SLC23A1: variants seen among roughly 807,000 people sequenced by gnomAD.
SLC23A1 encodes the protein solute carrier family 23 member 1.
In SLC23A1, 31 loss-of-function variants were observed where a neutral mutation model predicts 62.5. The ratio of observed to expected loss-of-function variants is 0.50; its 90% confidence interval spans 0.37 to 0.67. The LOEUF (loss-of-function observed/expected upper bound fraction) is 0.67, where lower values mean the gene tolerates loss of function less well. SLC23A1 is among the 30% of genes least tolerant of loss of function. SLC23A1 has a pLI of 0.00. For missense variants in SLC23A1, 640 were observed against 782.7 expected, an observed-to-expected ratio of 0.82 and a Z score of 2.18; for synonymous variants, 271 against 313.2, an observed-to-expected ratio of 0.87 and a Z score of 1.42.
At chr5:139,372,709 T>C (rs1561972157) in intron 13 of SLC23A1, among the ~76,000 whole-genome samples, 1 of 151,952 alleles carries the variant, frequency 6.6e-6, no homozygotes, top group Non-Finnish European at 1.5e-5. Context: ...CTCAGTCTCC[T>C]TAGTAGCTGG....
At chr5:139,374,059 C>T (rs1436311311) in intron 13 of SLC23A1, among the ~76,000 whole-genome samples, 2 of 152,206 alleles carry the variant, frequency 1.3e-5, no homozygotes, top group African/African-American at 2.4e-5. Context: ...AACTCCAGCC[C>T]GGCTTCCTTG....
Position 139,368,264 on chromosome 5 carries a change from C to T in SLC23A1, c.*20-633G>A, listed in dbSNP as rs10477811. Among the ~76,000 whole-genome samples, 1,322 of 152,028 alleles carry T rather than the reference C, an allele frequency of 8.7e-3. 17 individuals carry two copies. The highest frequency in any genetic ancestry group is 0.029 in the African/African-American group (1,219 of 41,472). ...GAGAGACAGGAGAATGGTGTGAACC[C>T]GGGAGGCGGAGCTTGCAGTGAGCTG... On this transcript the variant is annotated intron_variant, in intron 14 of 14. Coordinates refer to ENST00000348729, the MANE Select transcript of SLC23A1 (RefSeq NM_005847.5).
chr5:139,381,207 C>G (rs968505446), intron 3 of SLC23A1, among the ~76,000 whole-genome samples: 9 of 152,230 alleles, frequency 5.9e-5, no homozygotes, highest in African/African-American at 2.2e-4. Context: ...TCCCCTGTCC[C>G]CCGCTGCTCA....
chr5:139,377,443 A>C lies in SLC23A1; in HGVS notation c.1508T>G (p.Val503Gly). The C allele has an allele frequency of 6.2e-7, 1 of 1,612,302 alleles. No homozygotes were observed. Among genetic ancestry groups the C allele is most frequent in the South Asian group, 1.1e-5 (1 of 91,030 alleles). The change falls in exon 13 of 15, where the codon GTG (valine) becomes GGG (glycine). Residue 503 changes from valine to glycine, a missense_variant. Physicochemically the swap from Val to Gly is moderately radical, Grantham distance 109. Transcript: ENST00000348729. ...AAGTATGAAAGCAAGGCACCCGCCC[A>C]CAAACATCTCCGTGGTCAGCAGCAC... ...LIVLLTTEMF[V>G]GGCLAFILDN...
At chr5:139,368,675 T>G in intron 14 of SLC23A1, 1 of 1,164,594 alleles carries the variant, frequency 8.6e-7, no homozygotes, top group Non-Finnish European at 1.3e-6. Flanking sequence ...GGATCTAGAT[T>G]GAATTAGTAC....
At position 139,382,063 on chromosome 5, in the gene SLC23A1, G is replaced by A; in HGVS notation, c.151-14C>T. The A allele has an allele frequency of 1.2e-6, 2 of 1,603,738 alleles. No individual in the cohort carries two copies. Among genetic ancestry groups the A allele is most frequent in the Non-Finnish European group, 1.7e-6 (2 of 1,174,984 alleles). On this transcript the variant is annotated splice_polypyrimidine_tract_variant and intron_variant, in intron 2 of 14. Transcript: ENST00000348729. ...TGTCAGGTAGTGCTGGGCAGAGGGA[G>A]ACAGCAGAGTGCATGAGGCAGGACC...
intron 14 of SLC23A1, among the ~76,000 whole-genome samples, chr5:139,370,521 TCTCA>T (rs1757594317): frequency 1.3e-5 from 2 of 149,068 alleles, no homozygotes; most frequent in Non-Finnish European, 3.0e-5. Context: ...CAAGACAGAG[TCTCA>T]CTCTGTCACC....
intron 14 of SLC23A1, chr5:139,368,627 CT>C (rs1204163094): frequency 1.3e-6 from 1 of 771,108 alleles, no homozygotes; most frequent in East Asian, 2.5e-5. Context: ...AGACTGAGTT[CT>C]TTTGTCTTTT....
In SLC23A1 at chr5:139,378,240, T is replaced by C; in HGVS notation, c.1291A>G (p.Met431Val). ...ASLPDPILGG[M>V]FCTLFGMITA... ...CACTCACCAAAGAGAGTGCAGAACA[T>C]GCCCCCCAGGATGGGGTCAGGGAGC... The change falls in exon 11 of 15, where the codon ATG becomes GTG. Residue 431 changes from methionine to valine, a missense_variant. Physicochemically the swap from Met to Val is conservative, Grantham distance 21 (BLOSUM62 1). Coordinates refer to ENST00000348729, the MANE Select transcript of SLC23A1 (RefSeq NM_005847.5). This position sits in a 1 kb window ranked among gnomAD's most constrained non-coding sequence, Gnocchi z 4.5. The C allele has an allele frequency of 1.2e-6, 2 of 1,612,498 alleles. No homozygotes were observed. The highest frequency in any genetic ancestry group is 1.7e-6 in the Non-Finnish European group (2 of 1,179,538).
At chr5:139,383,401 C>A, upstream of SLC23A1, 1 of 1,448,964 alleles carries the variant, frequency 6.9e-7, no homozygotes. Context: ...AAGGGGGGCC[C>A]GGGCAGAGGT....
At chr5:139,369,985 A>G (rs1001285683) in intron 14 of SLC23A1, among the ~76,000 whole-genome samples, 3 of 152,216 alleles carry the variant, frequency 2.0e-5, no homozygotes, top group Non-Finnish European at 4.4e-5. Context: ...TGGCTGACCA[A>G]TATGATGGTG....
intron 13 of SLC23A1, among the ~76,000 whole-genome samples, chr5:139,373,676 C>T (rs1467994908): frequency 6.6e-6 from 1 of 152,174 alleles, no homozygotes; most frequent in African/African-American, 2.4e-5. Context: ...CAAAATCTCA[C>T]AGGAGAGGGC....
upstream of SLC23A1, chr5:139,384,509 C>A: frequency 7.8e-7 from 1 of 1,289,878 alleles, no homozygotes; most frequent in Non-Finnish European, 1.0e-6. Context: ...CTCTCCTCTC[C>A]CTCTTGGCTA....
chr5:139,383,123 C>T (rs563195759), intron 1 of SLC23A1, 95 bp downstream of exon 1: 9 of 800,566 alleles, frequency 1.1e-5, no homozygotes, highest in Admixed American at 3.1e-5. Context: ...TTCATCAGAA[C>T]GTTTATCTCT....
In SLC23A1 at chr5:139,379,250, G is replaced by A. The variant is rs760362537; in HGVS notation, c.1030C>T (p.Arg344Cys). ...ESIGDYYACA[R>C]LAGAPPPPVH... ...GGAGGGGGTGGTGCACCAGCCAGGC[G>A]GGCACAGGCGTAGTAATCTCCGATG... Residue 344 changes from arginine to cysteine, a missense_variant, in exon 9 of 15, where the codon CGC becomes TGC. Physicochemically the swap from Arg to Cys is radical, Grantham distance 180. Coordinates refer to ENST00000348729, the MANE Select transcript of SLC23A1 (RefSeq NM_005847.5). The surrounding 1 kb of genome is among the most constrained non-coding windows in gnomAD (Gnocchi z 4.7). 8 of 1,614,178 alleles carry A rather than the reference G, an allele frequency of 5.0e-6. No homozygotes were observed. The highest frequency in any genetic ancestry group is 1.1e-5 in the South Asian group (1 of 91,084).
rs747146966 is a variant in SLC23A1 at position 139,382,039 on chromosome 5, G to A, written c.161C>T (p.Thr54Ile). The A allele has an allele frequency of 1.3e-5, 21 of 1,608,790 alleles. No individual in the cohort carries two copies. The highest frequency in any genetic ancestry group is 1.0e-4 in the Admixed American group (6 of 59,298). Residue 54 changes from threonine (T) to isoleucine (I), a missense_variant, in exon 3 of 15, where the codon ACA (threonine) becomes ATA (isoleucine). By Grantham distance (89) the Thr-to-Ile change is moderately conservative. Coordinates refer to ENST00000348729, the MANE Select transcript of SLC23A1 (RefSeq NM_005847.5). ...CILLGFQHYL[T>I]CFSGTIAVPF... ...CACGGCGATGGTACCACTGAAGCAT[G>A]TCAGGTAGTGCTGGGCAGAGGGAGA...
At chr5:139,382,079 A>G in intron 2 of SLC23A1, 30 bp from the exon 3 acceptor site, 1 of 1,591,152 alleles carries the variant, frequency 6.3e-7, no homozygotes, top group Non-Finnish European at 8.6e-7. Context: ...AGAGTGCATG[A>G]GGCAGGACCC....
chr5:139,368,763 G>T, intron 14 of SLC23A1: 1 of 1,613,688 alleles, frequency 6.2e-7, no homozygotes, highest in East Asian at 2.2e-5. Context: ...AAATGCAAAG[G>T]AGTTTGTTCC....
intron 3 of SLC23A1, among the ~76,000 whole-genome samples, chr5:139,381,614 C>CAAAAAAA (rs904456829): frequency 1.8e-5 from 1 of 55,706 alleles, no homozygotes; most frequent in South Asian, 7.6e-4. Flanking sequence ...ACTCCGTCTC[C>CAAAAAAA]AAAAAAAAAA....
Sources: allele counts gnomAD v4.1 joint callset (sites outside exome capture counted in the v4.1 genomes callset), GRCh38; gene constraint gnomAD v4.1.1; non-coding constraint Gnocchi (gnomAD v3.1); transcripts MANE v1.5; gene names NCBI Gene and HGNC (gene_info 2026-07-23, HGNC 2026-07-21).